AK5: variants seen among roughly 807,000 people sequenced by gnomAD.
The protein encoded by AK5 is adenylate kinase 5, also known as adenylate kinase isoenzyme 5.
AK5 carries 27 observed loss-of-function variants against 69.5 expected under a neutral mutation model. The observed-to-expected ratio is 0.39, with a 90% CI of 0.29 to 0.54. AK5 has a LOEUF of 0.54. Among genes scored for constraint, AK5 ranks in the 20% least tolerant of loss-of-function variants. The pLI is 0.71. For synonymous variants in AK5, 260 were observed against 244.4 expected (o/e 1.06, Z -0.60); for missense variants, 531 against 700.4 (o/e 0.76, Z 2.73).
Position 77,394,214 on chromosome 1 carries a change from CA to C in AK5, c.892-16754del, listed in dbSNP as rs199934840. ...TGGGTGACAGAGCGAGACTCCATCT[CA>C]AAAAAAAAAAAAGAAAAAGAAAAAA... On this transcript the variant is annotated intron_variant, in intron 6 of 13. Transcript: ENST00000354567. Among the ~76,000 whole-genome samples, 187 of 124,492 alleles carry C rather than the reference CA, an allele frequency of 1.5e-3. 1 individual carries two copies. Among genetic ancestry groups the C allele is most frequent in the Admixed American group, 1.4e-3 (17 of 12,496 alleles). The allele number at this position is 124,492 out of a possible 152,430, so 81.7% of individuals were successfully genotyped here. A position where few individuals can be genotyped will look rare whatever the true frequency, so the allele number is the denominator to read the frequency against.
intron 2 of AK5, among the ~76,000 whole-genome samples, chr1:77,293,280 T>G (rs1282764384): frequency 3.3e-5 from 5 of 151,396 alleles, no homozygotes; most frequent in African/African-American, 1.2e-4. Context: ...CTATATTTGT[T>G]GAATGAATGA....
intron 2 of AK5, among the ~76,000 whole-genome samples, chr1:77,291,389 G>C (rs1202142787): frequency 6.6e-6 from 1 of 151,978 alleles, no homozygotes; most frequent in East Asian, 1.9e-4. Flanking sequence ...CAGCCTAGCT[G>C]CTACTTTTTC....
chr1:77,297,824 T>C lies in AK5; in HGVS notation c.586-10T>C, dbSNP rs376876846. ...TGGGGTTTTTTTGTCATCCTTTCTGTTTATAAAAGGAAACAACAATTACAG... is the reference window on the plus strand; with the variant it reads ...TGGGGTTTTTTTGTCATCCTTTCTGCTTATAAAAGGAAACAACAATTACAG... On this transcript the variant is annotated splice_polypyrimidine_tract_variant and intron_variant, in intron 4 of 13. Coordinates refer to ENST00000354567, the MANE Select transcript of AK5 (RefSeq NM_174858.3). 71 of 1,605,694 alleles carry C rather than the reference T, an allele frequency of 4.4e-5. No homozygotes were observed. Among genetic ancestry groups the C allele is most frequent in the Non-Finnish European group, 5.9e-5 (69 of 1,175,776 alleles).
intron 6 of AK5, among the ~76,000 whole-genome samples, chr1:77,367,845 A>G (rs56897248): frequency 1.2e-3 from 2 of 1,714 alleles, no homozygotes; most frequent in African/African-American, 1.6e-3. Context: ...TGTTATATAT[A>G]TTATATATAA....
chr1:77,335,424 A>G (rs1483471670), intron 5 of AK5, among the ~76,000 whole-genome samples: 1 of 150,052 alleles, frequency 6.7e-6, no homozygotes, highest in Non-Finnish European at 1.5e-5. Context: ...CACTCATTCA[A>G]TCAGCACATA....
rs2100319281 is a variant in AK5, at chr1:77,319,363, G to A, written c.700-21014G>A. 2.6e-5 allele frequency among the ~76,000 whole-genome samples: 4 copies of A among 152,348 alleles called. 1 individual carries two copies. The Middle Eastern group carries it at 0.014, about 518-fold the overall frequency. ...AGGGCACAGAATTGGGGAGAGAATG[G>A]TAGAGTAGAGCTAGAGGGGCAAAGG... On this transcript the variant is annotated intron_variant, in intron 5 of 13. Transcript: ENST00000354567.
intron 6 of AK5, among the ~76,000 whole-genome samples, chr1:77,397,189 G>A (rs1016141284): frequency 6.6e-6 from 1 of 151,956 alleles, no homozygotes; most frequent in Non-Finnish European, 1.5e-5. Flanking sequence ...TTCTTCTCAC[G>A]GCACTTCCTC....
At chr1:77,517,100 C>T (rs994511255) in intron 10 of AK5, among the ~76,000 whole-genome samples, 19 of 148,988 alleles carry the variant, frequency 1.3e-4, no homozygotes, top group African/African-American at 3.0e-4. Flanking sequence ...GAAGAAATAG[C>T]GGGGAAAGAT....
At chr1:77,377,660 A>G (rs1056943985) in intron 6 of AK5, among the ~76,000 whole-genome samples, 1 of 152,250 alleles carries the variant, frequency 6.6e-6, no homozygotes, top group Non-Finnish European at 1.5e-5. Context: ...TCTCTTGGGT[A>G]AAATGAGGAT....
intron 8 of AK5, among the ~76,000 whole-genome samples, chr1:77,475,004 T>C (rs1570211100): frequency 6.6e-6 from 1 of 151,684 alleles, no homozygotes; most frequent in Admixed American, 6.6e-5. Flanking sequence ...GGTCTCACTA[T>C]GTTTACCAGG....
At chr1:77,517,593 C>T (rs866731792) in intron 10 of AK5, among the ~76,000 whole-genome samples, 16 of 151,958 alleles carry the variant, frequency 1.1e-4, no homozygotes, top group South Asian at 4.2e-4. Context: ...GTACAGTAAG[C>T]GCTTGATAAA....
intron 2 of AK5, among the ~76,000 whole-genome samples, chr1:77,292,782 C>T (rs1658765121): frequency 6.6e-6 from 1 of 152,164 alleles, no homozygotes; most frequent in Non-Finnish European, 1.5e-5. Flanking sequence ...TTTCAAAGTT[C>T]AGGTCCTGCC....
chr1:77,528,689 T>G (rs973167448), intron 12 of AK5, among the ~76,000 whole-genome samples: 1 of 152,180 alleles, frequency 6.6e-6, no homozygotes, highest in Non-Finnish European at 1.5e-5. Flanking sequence ...TATATGTACA[T>G]GTATGTAATG....
chr1:77,321,333 G>A (rs539051005), intron 5 of AK5, among the ~76,000 whole-genome samples: 11 of 152,252 alleles, frequency 7.2e-5, no homozygotes, highest in Non-Finnish European at 1.3e-4. Flanking sequence ...AGCCAGGTGC[G>A]GTGGTGCCGC....
chr1:77,403,631 G>A (rs566580842), intron 6 of AK5, among the ~76,000 whole-genome samples: 52 of 152,274 alleles, frequency 3.4e-4, no homozygotes, highest in Non-Finnish European at 4.6e-4. Context: ...ATTTCTGAGG[G>A]CTCTGTTCTG....
chr1:77,312,472 A>G (rs534545990), intron 5 of AK5, among the ~76,000 whole-genome samples: 12 of 152,040 alleles, frequency 7.9e-5, no homozygotes, highest in Non-Finnish European at 1.3e-4. Context: ...AAAATCAGCC[A>G]GGCGTGGTGG....
rs1292159027 is a variant in AK5 at position 77,283,664 on chromosome 1, T to G, written c.60+1291T>G. 6.2e-6 allele frequency: 6 copies of G among 964,262 alleles called. No homozygotes were observed. The East Asian group carries it at 4.6e-4, about 74-fold the overall frequency. The allele number at this position is 964,262 out of a possible 1,614,324, so 59.7% of individuals were successfully genotyped here. A position where few individuals can be genotyped will look rare whatever the true frequency, so the allele number is the denominator to read the frequency against. Reference sequence around the variant, plus strand: ...GTATGTGAAGCCCAAATCTAGCAAATGTGTTACTCCTGCGTGAAAATAATT... The same window carrying G: ...GTATGTGAAGCCCAAATCTAGCAAAGGTGTTACTCCTGCGTGAAAATAATT... On this transcript the variant is annotated intron_variant, in intron 1 of 13. Transcript: ENST00000354567.
In AK5 at chr1:77,282,156, C is replaced by A; in HGVS notation, c.-158C>A. 1 of 561,156 alleles carries A rather than the reference C, an allele frequency of 1.8e-6. No individual in the cohort carries two copies. The highest frequency in any genetic ancestry group is 4.2e-5 in the Admixed American group (1 of 24,086). The allele number at this position is 561,156 out of a possible 1,614,324, so 34.8% of individuals were successfully genotyped here. On this transcript the variant is annotated 5_prime_UTR_variant, in exon 1 of 14. Transcript: ENST00000354567. ...GCCCCCGGGGAGAGGCGGAGGGGGT[C>A]CCTGGCCTGGGCGGAGAGGCTGAGC...
chr1:77,387,478 T>C (rs1648113143), intron 6 of AK5, among the ~76,000 whole-genome samples: 1 of 152,234 alleles, frequency 6.6e-6, no homozygotes, highest in Admixed American at 6.5e-5. Flanking sequence ...CCACTATTAC[T>C]ACTAAGTTGA....
Sources: allele counts gnomAD v4.1 joint callset (sites outside exome capture counted in the v4.1 genomes callset), GRCh38; gene constraint gnomAD v4.1.1; transcripts MANE v1.5; gene names NCBI Gene and HGNC (gene_info 2026-07-23, HGNC 2026-07-21).